Variants in CTNND2 observed in about 807,000 individuals in gnomAD.
The protein encoded by CTNND2 is catenin delta-2.
In CTNND2, 22 loss-of-function variants were observed where a neutral mutation model predicts 144.4. That is an observed-to-expected ratio of 0.15 (90% CI 0.11 to 0.22). CTNND2 has a LOEUF of 0.22. Ranked by LOEUF, CTNND2 falls within the 10% of genes least tolerant of loss-of-function variation. The pLI is 1.00. For missense variants in CTNND2, 1,353 were observed against 1,618.8 expected (o/e 0.84, Z 2.82); for synonymous variants, 751 against 695.6 (o/e 1.08, Z -1.25).
intron 3 of CTNND2, among the ~76,000 whole-genome samples, chr5:11,468,282 C>T (rs1332931522): frequency 2.0e-5 from 3 of 152,170 alleles, no homozygotes; most frequent in Non-Finnish European, 4.4e-5. Context: ...TCAGTCCTTA[C>T]AGCCAATGGA....
At chr5:10,990,003 C>T (rs1323861944) in intron 19 of CTNND2, among the ~76,000 whole-genome samples, 1 of 152,188 alleles carries the variant, frequency 6.6e-6, no homozygotes, top group Non-Finnish European at 1.5e-5. Context: ...GAGGCTTGAA[C>T]CCCACCCAAT....
At position 11,277,383 on chromosome 5, in the gene CTNND2, T is replaced by TA. The variant is rs1746647029; in HGVS notation, c.1629-40561dup. On this transcript the variant is annotated intron_variant, in intron 9 of 21. Transcript: ENST00000304623. Reference sequence around the variant, plus strand: ...AAACATTTTGAACTCACTTGTTAATTAAAAAAATAAAATAACTGCAGAACA... The same window carrying TA: ...AAACATTTTGAACTCACTTGTTAATTAAAAAAAATAAAATAACTGCAGAACA... Among the ~76,000 whole-genome samples, 3 of 151,954 alleles carry TA rather than the reference T, an allele frequency of 2.0e-5. No individual in the cohort carries two copies. In the South Asian group the frequency reaches 6.2e-4, roughly 32 times the overall value.
Position 11,827,300 on chromosome 5 carries a change from A to G in CTNND2, c.37+76517T>C, listed in dbSNP as rs567235210. ...ATTGAATAAAAACACAACATAGCAT[A>G]TGTGGGACTCAGTTAAACTGTTGCA... On this transcript the variant is annotated intron_variant, in intron 1 of 21. Transcript: ENST00000304623. Among the ~76,000 whole-genome samples, 91 of 152,350 alleles carry G rather than the reference A, an allele frequency of 6.0e-4. 1 individual carries two copies. Among genetic ancestry groups the G allele is most frequent in the Non-Finnish European group, 1.2e-3 (84 of 68,022 alleles).
At chr5:11,525,578 C>T (rs1435071198) in intron 3 of CTNND2, among the ~76,000 whole-genome samples, 1 of 152,218 alleles carries the variant, frequency 6.6e-6, no homozygotes, top group Non-Finnish European at 1.5e-5. Flanking sequence ...CTGTGAACCA[C>T]ACACAGTTAA....
intron 2 of CTNND2, among the ~76,000 whole-genome samples, chr5:11,652,924 G>T (rs1284578501): frequency 2.0e-5 from 3 of 151,800 alleles, no homozygotes; most frequent in African/African-American, 4.8e-5. Flanking sequence ...TTTTTCTAAG[G>T]GTCCAATTTC....
intron 1 of CTNND2, among the ~76,000 whole-genome samples, chr5:11,848,460 T>G (rs1053068219): frequency 6.6e-6 from 1 of 152,256 alleles, no homozygotes; most frequent in East Asian, 1.9e-4. Flanking sequence ...CATGGGAAAA[T>G]TAATTACTAC....
intron 3 of CTNND2, among the ~76,000 whole-genome samples, chr5:11,488,994 A>G (rs959788015): frequency 2.0e-5 from 3 of 152,200 alleles, no homozygotes; most frequent in Non-Finnish European, 4.4e-5. Context: ...GTTTTGGACT[A>G]TCACAAATAA....
intron 2 of CTNND2, among the ~76,000 whole-genome samples, chr5:11,570,628 GTTTTC>G (rs2150115166): frequency 6.6e-6 from 1 of 151,612 alleles, no homozygotes; most frequent in Non-Finnish European, 1.5e-5. Flanking sequence ...ACTTTCAGAG[GTTTTC>G]TTTTCTTTTT....
At chr5:11,062,217 C>T (rs1446244427) in intron 16 of CTNND2, among the ~76,000 whole-genome samples, 1 of 151,856 alleles carries the variant, frequency 6.6e-6, no homozygotes, top group African/African-American at 2.4e-5. Context: ...TATGTATTAG[C>T]ATATTTTGCC....
chr5:11,806,186 C>A (rs1038201210), intron 1 of CTNND2, among the ~76,000 whole-genome samples: 1 of 152,006 alleles, frequency 6.6e-6, no homozygotes, highest in African/African-American at 2.4e-5. Context: ...TACAGCAATA[C>A]AATGTTGTAA....
intron 6 of CTNND2, among the ~76,000 whole-genome samples, chr5:11,393,826 T>C (rs1269279040): frequency 6.6e-6 from 1 of 152,158 alleles, no homozygotes; most frequent in African/African-American, 2.4e-5. Context: ...GTAATGTTTT[T>C]AACACATAAG....
At chr5:11,559,112 GAATT>G (rs1210163409) in intron 3 of CTNND2, among the ~76,000 whole-genome samples, 1 of 152,088 alleles carries the variant, frequency 6.6e-6, no homozygotes, top group Non-Finnish European at 1.5e-5. Context: ...ATTAATTATA[GAATT>G]AATATACTAT....
chr5:11,603,034 A>C (rs963221793), intron 2 of CTNND2, among the ~76,000 whole-genome samples: 1 of 152,098 alleles, frequency 6.6e-6, no homozygotes, highest in East Asian at 1.9e-4. Flanking sequence ...ATTTAAAAGT[A>C]AAAATGCTTC....
intron 16 of CTNND2, among the ~76,000 whole-genome samples, chr5:11,065,901 C>G (rs190326450): frequency 6.6e-6 from 1 of 152,150 alleles, no homozygotes; most frequent in Non-Finnish European, 1.5e-5. Flanking sequence ...ATCTTTTTAT[C>G]GCAGGCCCTC....
chr5:11,660,996 G>C (rs1783171621), intron 2 of CTNND2, among the ~76,000 whole-genome samples: 1 of 152,104 alleles, frequency 6.6e-6, no homozygotes, highest in African/African-American at 2.4e-5. Flanking sequence ...TGCTAGATCA[G>C]AGAATTATTT....
intron 2 of CTNND2, among the ~76,000 whole-genome samples, chr5:11,572,033 ATT>A (rs1777602930): frequency 2.6e-5 from 4 of 152,118 alleles, no homozygotes; most frequent in African/African-American, 7.2e-5. Context: ...TCTTACTGCC[ATT>A]TTGGCAAGGA....
At chr5:11,561,364 A>C (rs190305120) in intron 3 of CTNND2, among the ~76,000 whole-genome samples, 1 of 152,362 alleles carries the variant, frequency 6.6e-6, no homozygotes, top group East Asian at 1.9e-4. Context: ...TGGGTGAGGA[A>C]AGCCAAGACA....
chr5:11,362,975 T>C (rs533501972), intron 8 of CTNND2, among the ~76,000 whole-genome samples: 1 of 152,374 alleles, frequency 6.6e-6, no homozygotes, highest in African/African-American at 2.4e-5. Context: ...TCAGTAACGT[T>C]ATTTATGGAT....
intron 1 of CTNND2, among the ~76,000 whole-genome samples, chr5:11,894,436 T>C (rs1008601045): frequency 6.6e-6 from 1 of 152,206 alleles, no homozygotes; most frequent in African/African-American, 2.4e-5. Context: ...CAATAGCCAA[T>C]AGCATGAAAT....
Sources: gnomAD v4.1 joint callset for allele counts (sites outside exome capture counted in the v4.1 genomes callset) on GRCh38, gnomAD v4.1.1 for gene constraint, MANE v1.5 for transcripts, NCBI Gene and HGNC (gene_info 2026-07-23, HGNC 2026-07-21) for gene names.